USH2A: variants seen among roughly 807,000 people sequenced by gnomAD.
USH2A encodes usherin, also known as Usher syndrome 2A (autosomal recessive, mild).
Under a neutral mutation model 538.9 loss-of-function variants are expected in USH2A, and 443 were observed. That is an observed-to-expected ratio of 0.82 (90% CI 0.76 to 0.89). The LOEUF is 0.89. USH2A is among the 40% of genes least tolerant of loss of function. USH2A has a pLI of 0.00. For synonymous variants in USH2A, 2,413 were observed against 2,273.5 expected, an observed-to-expected ratio of 1.06 and a Z score of -1.75; for missense variants, 6,633 against 6,324.8, an observed-to-expected ratio of 1.05 and a Z score of -1.65.
chr1:215,662,616 G>A (rs912970755), intron 64 of USH2A, among the ~76,000 whole-genome samples: 22 of 152,200 alleles, frequency 1.4e-4, no homozygotes, highest in Non-Finnish European at 1.5e-5. Flanking sequence ...GCCTAGTGGC[G>A]AACTTTAGTT....
intron 3 of USH2A, among the ~76,000 whole-genome samples, chr1:216,397,422 G>A (rs980546396): frequency 2.0e-5 from 3 of 152,130 alleles, no homozygotes; most frequent in African/African-American, 4.8e-5. Flanking sequence ...TATCTATTGC[G>A]GTGTTTCCAG....
At position 216,067,010 on chromosome 1, in the gene USH2A, T is replaced by A. The variant is rs1357794490; in HGVS notation, c.6049+3091A>T. Among the ~76,000 whole-genome samples, 6 of 152,200 alleles carry A rather than the reference T, an allele frequency of 3.9e-5. 1 individual carries two copies. Among genetic ancestry groups the A allele is most frequent in the Admixed American group, 3.3e-4 (5 of 15,276 alleles). The stretch of plus-strand genomic sequence containing the variant: ...TCAGGAATTCTCCTAAGGATTTACA[T>A]ACAAATTTCTTTAAATTATATTAAT... On this transcript the variant is annotated intron_variant, in intron 30 of 71. Transcript: ENST00000307340.
chr1:216,196,446 A>T, intron 19 of USH2A, 107 bp downstream of exon 19: 1 of 1,279,962 alleles, frequency 7.8e-7, no homozygotes, highest in Non-Finnish European at 1.1e-6. Context: ...TGCCCTGTTT[A>T]ATCAATATAG....
chr1:215,639,374 C>G (rs1656605445), intron 68 of USH2A, 136 bp from the exon 69 acceptor site: 1 of 792,806 alleles, frequency 1.3e-6, no homozygotes. Flanking sequence ...ATATAATATT[C>G]AAAATTACTT....
At chr1:216,023,384 G>A (rs764785946) in intron 32 of USH2A, among the ~76,000 whole-genome samples, 1 of 132,782 alleles carries the variant, frequency 7.5e-6, no homozygotes, top group South Asian at 2.4e-4. Flanking sequence ...GGAGATTTGG[G>A]TCTCTTTCTC....
At chr1:216,333,961 G>T (rs1472162971) in intron 4 of USH2A, among the ~76,000 whole-genome samples, 2 of 152,018 alleles carry the variant, frequency 1.3e-5, no homozygotes, top group African/African-American at 4.8e-5. Flanking sequence ...AATACCAAAA[G>T]AAGTCCTTCT....
chr1:215,912,337 C>T lies in USH2A; in HGVS notation c.7301-11432G>A, dbSNP rs540229298. Among the ~76,000 whole-genome samples the T allele has an allele frequency of 1.3e-4, 20 of 151,590 alleles. No individual in the cohort carries two copies. The South Asian group carries it at 3.1e-3, about 24-fold the overall frequency. ...TAGTAACTTGATAGTTTGAAGTCTT[C>T]GACTTAAGTTTTCAACCAATTTTGA... On this transcript the variant is annotated intron_variant, in intron 38 of 71. Transcript: ENST00000307340.
intron 61 of USH2A, among the ~76,000 whole-genome samples, chr1:215,696,374 G>T (rs1255677296): frequency 6.6e-6 from 1 of 152,126 alleles, no homozygotes; most frequent in Non-Finnish European, 1.5e-5. Context: ...AACCTGTGTT[G>T]TTCAAGGGTC....
chr1:215,833,373 G>C (rs1338454016), intron 47 of USH2A, among the ~76,000 whole-genome samples: 4 of 151,878 alleles, frequency 2.6e-5, no homozygotes, highest in Admixed American at 1.3e-4. Context: ...GAACATAAAA[G>C]AGAGTCCAAA....
chr1:215,948,395 AT>A (rs1666809754), intron 37 of USH2A, among the ~76,000 whole-genome samples: 1 of 149,720 alleles, frequency 6.7e-6, no homozygotes, highest in South Asian at 2.1e-4. Flanking sequence ...ATTTTGGTAT[AT>A]TTTGGTGTGT....
At chr1:216,013,515 C>T (rs941658798) in intron 32 of USH2A, among the ~76,000 whole-genome samples, 5 of 152,116 alleles carry the variant, frequency 3.3e-5, no homozygotes, top group Admixed American at 1.3e-4. Context: ...TGCACGTACA[C>T]ATCCAGATGG....
chr1:215,780,587 G>A (rs1056480566), intron 54 of USH2A, among the ~76,000 whole-genome samples: 4 of 152,104 alleles, frequency 2.6e-5, no homozygotes, highest in African/African-American at 9.7e-5. Flanking sequence ...CAAGTCAGAA[G>A]AAAAAAATAA....
chr1:215,708,516 A>C (rs1001485664), intron 61 of USH2A, among the ~76,000 whole-genome samples: 6 of 152,210 alleles, frequency 3.9e-5, no homozygotes, highest in Non-Finnish European at 7.3e-5. Context: ...GATCCGTTTC[A>C]TGGAAGACAA....
intron 61 of USH2A, among the ~76,000 whole-genome samples, chr1:215,701,112 G>A (rs1020863056): frequency 6.6e-6 from 1 of 152,184 alleles, no homozygotes; most frequent in Non-Finnish European, 1.5e-5. Context: ...ATGTAGTTGT[G>A]TGGTTTTGAG....
intron 51 of USH2A, among the ~76,000 whole-genome samples, chr1:215,788,519 A>T (rs1661867678): frequency 6.6e-6 from 1 of 151,810 alleles, no homozygotes; most frequent in South Asian, 2.1e-4. Flanking sequence ...TAAAAAAAAA[A>T]TTGCTAAGAG....
At chr1:215,741,193 G>C (rs778787204) in intron 60 of USH2A, among the ~76,000 whole-genome samples, 182 bp downstream of exon 60, 5 of 152,042 alleles carry the variant, frequency 3.3e-5, no homozygotes, top group African/African-American at 7.2e-5. Context: ...TTGAGCACCA[G>C]TCTTAGTCCT....
intron 11 of USH2A, among the ~76,000 whole-genome samples, chr1:216,252,499 C>T (rs577621761): frequency 9.8e-5 from 15 of 152,286 alleles, no homozygotes; most frequent in African/African-American, 3.6e-4. Context: ...TAGTGAAGGA[C>T]TTAGAAATTA....
chr1:216,367,396 C>T (rs74655888), intron 3 of USH2A, among the ~76,000 whole-genome samples: 8,047 of 152,246 alleles, frequency 0.053, 293 homozygotes, highest in Middle Eastern at 0.11. Flanking sequence ...ACTCCCGTGA[C>T]ACTTCTGTCA....
At chr1:215,893,669 A>T (rs1665259150) in intron 40 of USH2A, among the ~76,000 whole-genome samples, 1 of 152,256 alleles carries the variant, frequency 6.6e-6, no homozygotes. Flanking sequence ...ATTTTTCATT[A>T]CTTTCACCTG....
Sources: gnomAD v4.1 joint callset for allele counts (sites outside exome capture counted in the v4.1 genomes callset) on GRCh38, gnomAD v4.1.1 for gene constraint, MANE v1.5 for transcripts, NCBI Gene and HGNC (gene_info 2026-07-23, HGNC 2026-07-21) for gene names.